Variants in ANK3 observed in about 807,000 individuals in gnomAD.
ANK3 encodes ankyrin-3.
Under a neutral mutation model 370.9 loss-of-function variants are expected in ANK3, and 57 were observed. The observed-to-expected ratio is 0.15, with a 90% confidence interval of 0.12 to 0.19. The LOEUF (loss-of-function observed/expected upper bound fraction) is 0.19. ANK3 is among the 10% of genes least tolerant of loss of function. ANK3 has a pLI of 1.00. For missense variants in ANK3, 4,439 were observed against 5,302.1 expected (o/e 0.84, Z 5.06); for synonymous variants, 1,929 against 1,946.3 (o/e 0.99, Z 0.23).
intron 1 of ANK3, among the ~76,000 whole-genome samples, chr10:60,345,160 G>A (rs4488150): frequency 0.7 from 105,889 of 151,804 alleles, 38,196 homozygotes; most frequent in South Asian, 0.91. Context: ...CTAGATTCAT[G>A]GTGCTATTTG....
intron 4 of ANK3, among the ~76,000 whole-genome samples, chr10:60,271,059 A>C (rs1022945112): frequency 1.3e-5 from 2 of 152,054 alleles, no homozygotes; most frequent in Admixed American, 6.5e-5. Context: ...TTTCCTACTA[A>C]AAAAATGTTG....
intron 2 of ANK3, among the ~76,000 whole-genome samples, chr10:60,554,126 C>G (rs2077154309): frequency 6.6e-6 from 1 of 152,178 alleles, no homozygotes; most frequent in South Asian, 2.1e-4. Context: ...TCAAAATAAG[C>G]TTTCTCCCCT....
intron 23 of ANK3, among the ~76,000 whole-genome samples, chr10:60,157,718 G>T (rs1487514572): frequency 6.6e-6 from 1 of 151,686 alleles, no homozygotes; most frequent in Non-Finnish European, 1.5e-5. Context: ...GCAGAAGAAA[G>T]AATTAATGAG....
chr10:60,406,541 C>T (rs963271017), intron 2 of ANK3, among the ~76,000 whole-genome samples: 15 of 152,190 alleles, frequency 9.9e-5, no homozygotes, highest in Non-Finnish European at 2.9e-5. Context: ...GACTCTAATG[C>T]CACTGCTGAT....
intron 25 of ANK3, among the ~76,000 whole-genome samples, chr10:60,131,374 C>T (rs1338417129): frequency 2.0e-5 from 3 of 152,150 alleles, no homozygotes; most frequent in Non-Finnish European, 4.4e-5. Flanking sequence ...TGTGGGTATT[C>T]TGTGCTCATT....
intron 2 of ANK3, among the ~76,000 whole-genome samples, chr10:60,608,424 G>A (rs181412436): frequency 1.5e-3 from 232 of 152,248 alleles, no homozygotes; most frequent in Non-Finnish European, 2.6e-3. Flanking sequence ...AACGTCTTCA[G>A]TTGGGAGATA....
chr10:60,587,393 T>C (rs1448531849), intron 2 of ANK3, among the ~76,000 whole-genome samples: 1 of 152,214 alleles, frequency 6.6e-6, no homozygotes, highest in African/African-American at 2.4e-5. Flanking sequence ...TTTCCCTAAC[T>C]AATTCCTTAG....
At chr10:60,174,774 G>A (rs569892598) in intron 18 of ANK3, among the ~76,000 whole-genome samples, 7 of 152,230 alleles carry the variant, frequency 4.6e-5, no homozygotes, top group African/African-American at 1.7e-4. Context: ...GTCTTGCTCT[G>A]TCACCAGGCT....
At chr10:60,359,384 G>A (rs75616265) in intron 1 of ANK3, among the ~76,000 whole-genome samples, 1 of 152,034 alleles carries the variant, frequency 6.6e-6, no homozygotes, top group South Asian at 2.1e-4. Flanking sequence ...TGGCTCCCTT[G>A]GATCAATTTC....
At chr10:60,082,856 G>GA in intron 33 of ANK3, 119 bp from the exon 34 acceptor site, 2 of 1,201,098 alleles carry the variant, frequency 1.7e-6, no homozygotes, top group South Asian at 1.5e-5. Flanking sequence ...AAGGTAAAGG[G>GA]AAAAGATGAT....
At chr10:60,708,664 C>A (rs927351831) in intron 1 of ANK3, among the ~76,000 whole-genome samples, 1 of 152,150 alleles carries the variant, frequency 6.6e-6, no homozygotes, top group Non-Finnish European at 1.5e-5. Flanking sequence ...CAGATCCTAA[C>A]CCACCTGAGG....
intron 21 of ANK3, 38 bp from the exon 22 acceptor site, chr10:60,166,934 C>T (rs2132296663): frequency 1.9e-6 from 3 of 1,553,332 alleles, no homozygotes; most frequent in Middle Eastern, 3.4e-4. Flanking sequence ...TGTGAGCAGA[C>T]TGTACATTTT....
chr10:60,480,068 A>T (rs1208481549), intron 2 of ANK3, among the ~76,000 whole-genome samples: 1 of 152,104 alleles, frequency 6.6e-6, no homozygotes, highest in Non-Finnish European at 1.5e-5. Context: ...GTGGCCACTT[A>T]TGACCCCTGA....
chr10:60,607,356 G>T (rs191445471), intron 2 of ANK3, among the ~76,000 whole-genome samples: 1 of 152,194 alleles, frequency 6.6e-6, no homozygotes, highest in South Asian at 2.1e-4. Context: ...GTCTGAATCA[G>T]TCTGACTTTC....
chr10:60,303,888 G>GTA (rs1051671042), intron 1 of ANK3, among the ~76,000 whole-genome samples: 11 of 151,830 alleles, frequency 7.2e-5, no homozygotes, highest in African/African-American at 1.7e-4. Context: ...GTGTGTGTGT[G>GTA]TGTGTGTGTG....
chr10:60,245,218 T>C (rs1490696038), intron 7 of ANK3, among the ~76,000 whole-genome samples: 1 of 152,230 alleles, frequency 6.6e-6, no homozygotes, highest in Non-Finnish European at 1.5e-5. Flanking sequence ...TGATACAATG[T>C]AGAAAATTAG....
chr10:60,598,744 C>T (rs2078021567), intron 2 of ANK3, among the ~76,000 whole-genome samples: 1 of 152,114 alleles, frequency 6.6e-6, no homozygotes. Flanking sequence ...TTCTGCTTTG[C>T]TAAATAGTAA....
intron 1 of ANK3, among the ~76,000 whole-genome samples, chr10:60,695,394 A>G (rs1476556123): frequency 1.3e-5 from 2 of 152,182 alleles, no homozygotes; most frequent in African/African-American, 4.8e-5. Flanking sequence ...CTCTGCACCA[A>G]GCAGACCTAA....
At chr10:60,413,943 G>C (rs2063609817) in intron 2 of ANK3, among the ~76,000 whole-genome samples, 1 of 152,192 alleles carries the variant, frequency 6.6e-6, no homozygotes, top group South Asian at 2.1e-4. Context: ...GATGCAGTGA[G>C]CTATGATGGT....
Sources: gnomAD v4.1 joint callset for allele counts (sites outside exome capture counted in the v4.1 genomes callset) on GRCh38, gnomAD v4.1.1 for gene constraint, MANE v1.5 for transcripts, NCBI Gene and HGNC (gene_info 2026-07-23, HGNC 2026-07-21) for gene names.